CSMD1: variants seen among roughly 807,000 people sequenced by gnomAD.
The protein encoded by CSMD1 is CUB and sushi domain-containing protein 1.
Under a neutral mutation model 417.5 loss-of-function variants are expected in CSMD1, and 213 were observed. That is an observed-to-expected ratio of 0.51 (90% CI 0.46 to 0.57). The LOEUF (loss-of-function observed/expected upper bound fraction) is 0.57, where lower values mean the gene tolerates loss of function less well. CSMD1 is among the 20% of genes least tolerant of loss of function. The pLI is 0.00. For synonymous variants in CSMD1, 2,862 were observed against 1,736.8 expected (o/e 1.65, Z -16.11); for missense variants, 6,923 against 4,529.7 (o/e 1.53, Z -15.17).
intron 11 of CSMD1, among the ~76,000 whole-genome samples, chr8:3,482,223 A>C (rs1817788705): frequency 6.6e-6 from 1 of 152,180 alleles, no homozygotes; most frequent in Non-Finnish European, 1.5e-5. Flanking sequence ...TATGCCACTG[A>C]AATATCAGAG....
chr8:4,956,526 ATATAT>A (rs1415430169), intron 1 of CSMD1, among the ~76,000 whole-genome samples: 2 of 149,098 alleles, frequency 1.3e-5, no homozygotes, highest in African/African-American at 4.9e-5. Context: ...CGTATTTTAA[ATATAT>A]TATAAAATAT....
At chr8:3,309,324 GA>G (rs200021507) in intron 23 of CSMD1, among the ~76,000 whole-genome samples, 5 of 144,798 alleles carry the variant, frequency 3.5e-5, no homozygotes, top group Admixed American at 1.4e-4. Context: ...CATGGGAAAA[GA>G]AAAAAAAACT....
chr8:4,465,389 G>C lies in CSMD1; in HGVS notation c.303-45324C>G, dbSNP rs193235632. Among the ~76,000 whole-genome samples the C allele has an allele frequency of 1.4e-3, 213 of 152,242 alleles. 1 individual carries two copies. Among genetic ancestry groups the C allele is most frequent in the African/African-American group, 4.7e-3 (197 of 41,560 alleles). ...AAAGATAAATGAGAAAACATGGTTT[G>C]AAAGTCTATTTCATCATGCTGAAGG... On this transcript the variant is annotated intron_variant, in intron 2 of 69. Coordinates refer to ENST00000635120, the MANE Select transcript of CSMD1 (RefSeq NM_033225.6).
intron 10 of CSMD1, among the ~76,000 whole-genome samples, chr8:3,561,721 G>C (rs1457339584): frequency 6.6e-6 from 1 of 152,082 alleles, no homozygotes; most frequent in Non-Finnish European, 1.5e-5. Flanking sequence ...ACCCCACCAC[G>C]ATGTAGTGTA....
At chr8:4,442,957 C>G (rs1051456047) in intron 2 of CSMD1, among the ~76,000 whole-genome samples, 1 of 152,132 alleles carries the variant, frequency 6.6e-6, no homozygotes, top group Non-Finnish European at 1.5e-5. Flanking sequence ...ATCTACAGCA[C>G]CACAGGTATC....
intron 3 of CSMD1, among the ~76,000 whole-genome samples, chr8:4,167,275 T>G (rs538374233): frequency 6.6e-6 from 1 of 152,150 alleles, no homozygotes; most frequent in East Asian, 1.9e-4. Context: ...TTCCTTGCAG[T>G]TTAGAAAATT....
At chr8:4,061,635 G>C (rs374596380) in intron 3 of CSMD1, among the ~76,000 whole-genome samples, 3 of 152,172 alleles carry the variant, frequency 2.0e-5, no homozygotes, top group Non-Finnish European at 4.4e-5. Context: ...GATTCTGCAA[G>C]GGAGGATGGA....
At chr8:3,304,411 T>G (rs977468062) in intron 25 of CSMD1, among the ~76,000 whole-genome samples, 1 of 152,152 alleles carries the variant, frequency 6.6e-6, no homozygotes. Context: ...TTTTAGTATA[T>G]TATGTACTTC....
chr8:3,302,113 G>A (rs921464611), intron 25 of CSMD1, among the ~76,000 whole-genome samples: 2 of 152,016 alleles, frequency 1.3e-5, no homozygotes, highest in Admixed American at 6.6e-5. Flanking sequence ...CCCCTTGGAG[G>A]GAGACAGTAA....
intron 1 of CSMD1, among the ~76,000 whole-genome samples, chr8:4,801,522 G>T (rs941446768): frequency 6.6e-6 from 1 of 151,982 alleles, no homozygotes; most frequent in Non-Finnish European, 1.5e-5. Flanking sequence ...TTGAAGGGCA[G>T]CAGTTACTAA....
intron 5 of CSMD1, among the ~76,000 whole-genome samples, chr8:3,833,005 G>A (rs75149371): frequency 0.02 from 3,016 of 152,166 alleles, 111 homozygotes; most frequent in African/African-American, 0.069. Flanking sequence ...TTATATTAAA[G>A]TGTCAGCTGC....
intron 5 of CSMD1, among the ~76,000 whole-genome samples, chr8:3,986,784 C>G (rs949901996): frequency 2.6e-5 from 4 of 151,836 alleles, no homozygotes; most frequent in Admixed American, 6.6e-5. Flanking sequence ...TAGATGGAGT[C>G]TCACCCTGTT....
chr8:4,458,898 G>T (rs955493263), intron 2 of CSMD1, among the ~76,000 whole-genome samples: 2 of 152,178 alleles, frequency 1.3e-5, no homozygotes, highest in South Asian at 2.1e-4. Flanking sequence ...ACAATGGGTG[G>T]AGAATGTATT....
At chr8:4,023,401 T>C (rs1433761772) in intron 4 of CSMD1, among the ~76,000 whole-genome samples, 2 of 152,120 alleles carry the variant, frequency 1.3e-5, no homozygotes, top group African/African-American at 4.8e-5. Context: ...ACAAAAGTAA[T>C]TCCAATTTCA....
At chr8:3,714,493 C>T (rs1200223692) in intron 6 of CSMD1, among the ~76,000 whole-genome samples, 4 of 137,318 alleles carry the variant, frequency 2.9e-5, no homozygotes, top group South Asian at 2.3e-4. Flanking sequence ...GAGGCTGAGA[C>T]AGGGGATCAC....
rs1444429101 is a variant in CSMD1, at chr8:3,935,606, CTATTG to C, written c.818+62292_818+62296del. Among the ~76,000 whole-genome samples, 5 of 152,198 alleles carry C rather than the reference CTATTG, an allele frequency of 3.3e-5. No homozygotes were observed. The East Asian group carries it at 9.7e-4, about 29-fold the overall frequency. ...CTGTCATCAGTAATTTTTGTTGTAA[CTATTG>C]TAATTGTTTGGGGGCCCCATATGTG... On this transcript the variant is annotated intron_variant, in intron 5 of 69. Coordinates refer to ENST00000635120, the MANE Select transcript of CSMD1 (RefSeq NM_033225.6).
intron 7 of CSMD1, among the ~76,000 whole-genome samples, chr8:3,676,991 C>T (rs189486850): frequency 4.6e-5 from 7 of 151,292 alleles, no homozygotes; most frequent in East Asian, 2.0e-4. Context: ...CATCATGGAC[C>T]GGGGCCTGTT....
chr8:4,978,226 C>G (rs1011362254), intron 1 of CSMD1, among the ~76,000 whole-genome samples: 1 of 152,072 alleles, frequency 6.6e-6, no homozygotes, highest in Non-Finnish European at 1.5e-5. Flanking sequence ...GAGACCCAAC[C>G]TTTTAAGATA....
At chr8:3,253,259 T>G (rs1800406221) in intron 26 of CSMD1, among the ~76,000 whole-genome samples, 1 of 152,208 alleles carries the variant, frequency 6.6e-6, no homozygotes, top group African/African-American at 2.4e-5. Flanking sequence ...AAAGAACATC[T>G]TTATTTCTGC....
Sources: gnomAD v4.1 joint callset for allele counts (sites outside exome capture counted in the v4.1 genomes callset) on GRCh38, gnomAD v4.1.1 for gene constraint, MANE v1.5 for transcripts, NCBI Gene and HGNC (gene_info 2026-07-23, HGNC 2026-07-21) for gene names.